Variants in TRPM4 observed in about 807,000 individuals in gnomAD.
The protein encoded by TRPM4 is transient receptor potential cation channel subfamily M member 4.
TRPM4 carries 124 observed loss-of-function variants against 135.6 expected under a neutral mutation model. The ratio of observed to expected loss-of-function variants is 0.91; its 90% CI spans 0.79 to 1.06. TRPM4 has a LOEUF of 1.06. Among genes scored for constraint, TRPM4 ranks in the 50% least tolerant of loss-of-function variants. The pLI, the probability that TRPM4 is intolerant of heterozygous loss-of-function variation, is 0.00. For missense variants in TRPM4, 1,658 were observed against 1,671.4 expected (o/e 0.99, Z 0.14); for synonymous variants, 745 against 705.6 (o/e 1.06, Z -0.88).
At chr19:49,185,916 A>C (rs915851752) in intron 12 of TRPM4, among the ~76,000 whole-genome samples, 2 of 151,770 alleles carry the variant, frequency 1.3e-5, no homozygotes, top group Non-Finnish European at 2.9e-5. Context: ...ACACCCAGCT[A>C]ATTTTTGTAT....
At position 49,163,614 on chromosome 19, in the gene TRPM4, C is replaced by T. The variant is rs150058393; in HGVS notation, c.93-2427C>T. Among the ~76,000 whole-genome samples, 921 of 152,208 alleles carry T rather than the reference C, an allele frequency of 6.1e-3. 6 individuals are homozygous for T. The highest frequency in any genetic ancestry group is 0.021 in the African/African-American group (871 of 41,512). ...TCAAGTGATCCTCCTGCTACAGCCT[C>T]CTGAGTAGCTGGAACCACAGGCGTG... On this transcript the variant is annotated intron_variant, in intron 2 of 24. Transcript: ENST00000252826.
In TRPM4 at chr19:49,171,614, C is replaced by T. The variant is rs1233968599; in HGVS notation, c.895C>T (p.Leu299Phe). Residue 299 changes from leucine (L) to phenylalanine (F), a missense_variant, in exon 8 of 25, where the codon CTC (leucine) becomes TTC (phenylalanine). By Grantham distance (22) the Leu-to-Phe change is conservative. Coordinates refer to ENST00000252826, the MANE Select transcript of TRPM4 (RefSeq NM_017636.4). This position sits in a 1 kb window ranked among gnomAD's most constrained non-coding sequence, Gnocchi z 4.7. ...CGCCACCCAGGCTCAGCTCCCATGTCTCCTCGTGGCTGGCTCAGGGGGAGC... is the reference window on the plus strand; with the variant it reads ...CGCCACCCAGGCTCAGCTCCCATGTTTCCTCGTGGCTGGCTCAGGGGGAGC... ...ENATQAQLPCLLVAGSGGAAD... is the reference protein window; with the variant it reads ...ENATQAQLPCFLVAGSGGAAD... 1.9e-6 allele frequency: 3 copies of T among 1,613,976 alleles called. No individual in the cohort carries two copies. Among genetic ancestry groups the T allele is most frequent in the Non-Finnish European group, 2.5e-6 (3 of 1,180,032 alleles).
intron 2 of TRPM4, chr19:49,158,540 G>A: frequency 4.2e-6 from 2 of 478,002 alleles, no homozygotes; most frequent in Non-Finnish European, 7.5e-6. Flanking sequence ...CTGTCTCTTC[G>A]TGTCACTTTC....
At chr19:49,186,918 CT>C (rs1968217671) in intron 12 of TRPM4, among the ~76,000 whole-genome samples, 1 of 151,408 alleles carries the variant, frequency 6.6e-6, no homozygotes, top group South Asian at 2.1e-4. Context: ...TGGAAAGCCA[CT>C]TTTTCTCTGG....
rs767381852 is a variant in TRPM4, at chr19:49,185,643, T to C, written c.1743+2431T>C. ...AAGTGGAACATTTTGAATATGATAA[T>C]GTGGCAACTCTGGAAATCAGCTTAT... On this transcript the variant is annotated intron_variant, in intron 12 of 24. Coordinates refer to ENST00000252826, the MANE Select transcript of TRPM4 (RefSeq NM_017636.4). Among the ~76,000 whole-genome samples, 97 of 152,190 alleles carry C rather than the reference T, an allele frequency of 6.4e-4. 1 individual carries two copies. Among genetic ancestry groups the C allele is most frequent in the Middle Eastern group, 3.2e-3 (1 of 316 alleles).
chr19:49,196,936 C>T (rs772418560), intron 17 of TRPM4, 62 bp downstream of exon 17: 1 of 1,472,304 alleles, frequency 6.8e-7, no homozygotes, highest in African/African-American at 1.4e-5. Context: ...CCTGCCCACT[C>T]CCGGGGTCTC....
chr19:49,167,392 T>C (rs1331424451), intron 3 of TRPM4, among the ~76,000 whole-genome samples: 9 of 122,676 alleles, frequency 7.3e-5, no homozygotes, highest in Non-Finnish European at 1.4e-4. Context: ...TCTCCGGGTC[T>C]CTGTTTCCCC....
intron 2 of TRPM4, among the ~76,000 whole-genome samples, chr19:49,162,424 A>C (rs1054514109): frequency 6.6e-6 from 1 of 152,098 alleles, no homozygotes; most frequent in Non-Finnish European, 1.5e-5. Flanking sequence ...CTGTAATCCC[A>C]GCTACTCAGG....
intron 16 of TRPM4, among the ~76,000 whole-genome samples, chr19:49,195,355 TTTCTTC>T (rs748392398): frequency 2.6e-5 from 4 of 152,200 alleles, no homozygotes; most frequent in East Asian, 3.9e-4. Context: ...TCTATGGTCT[TTTCTTC>T]TTCTTCTTCT....
chr19:49,186,336 A>G (rs574692645), intron 12 of TRPM4, among the ~76,000 whole-genome samples: 1 of 152,340 alleles, frequency 6.6e-6, no homozygotes, highest in African/African-American at 2.4e-5. Context: ...TGCAGAGCCT[A>G]AAGTTCAGCC....
intron 9 of TRPM4, among the ~76,000 whole-genome samples, chr19:49,180,152 G>A (rs769861076): frequency 4.6e-5 from 7 of 152,184 alleles, no homozygotes; most frequent in Non-Finnish European, 8.8e-5. Context: ...TTTGGAGATA[G>A]ATATGGAGCA....
intron 2 of TRPM4, among the ~76,000 whole-genome samples, chr19:49,160,570 C>T (rs949975120): frequency 2.0e-5 from 3 of 151,782 alleles, no homozygotes; most frequent in African/African-American, 7.3e-5. Context: ...TATGGTTTGG[C>T]TTGAATATGA....
At chr19:49,160,612 T>C (rs1219266778) in intron 2 of TRPM4, among the ~76,000 whole-genome samples, 1 of 151,988 alleles carries the variant, frequency 6.6e-6, no homozygotes, top group Non-Finnish European at 1.5e-5. Flanking sequence ...AGCACTGTCA[T>C]GAGAGAAGAG....
At chr19:49,193,872 G>C (rs1373031504) in intron 16 of TRPM4, among the ~76,000 whole-genome samples, 4 of 146,316 alleles carry the variant, frequency 2.7e-5, no homozygotes, top group South Asian at 2.2e-4. Flanking sequence ...TCTCCTCCTT[G>C]TCCTCCTCCT....
rs1272779639 is a variant in TRPM4, at chr19:49,190,724, G to A, written c.2161G>A (p.Glu721Lys). ...RKSEEEPTREELEFDMDSVIN... is the reference protein window; with the variant it reads ...RKSEEEPTREKLEFDMDSVIN... Reference sequence around the variant, plus strand: ...ATCAGAAGAGGAGCCCACACGGGAGGAGCTAGAGTTTGACATGGATAGTGT... The same window carrying A: ...ATCAGAAGAGGAGCCCACACGGGAGAAGCTAGAGTTTGACATGGATAGTGT... The change falls in exon 16 of 25, where the codon GAG (glutamate) becomes AAG (lysine). Residue 721 changes from glutamate (E) to lysine (K), a missense_variant. Transcript: ENST00000252826. 1.2e-6 allele frequency: 2 copies of A among 1,614,142 alleles called. No individual in the cohort carries two copies. The highest frequency in any genetic ancestry group is 2.2e-5 in the South Asian group (2 of 91,078).
chr19:49,191,351 A>G (rs920455002), intron 16 of TRPM4, among the ~76,000 whole-genome samples: 2 of 150,692 alleles, frequency 1.3e-5, no homozygotes, highest in Non-Finnish European at 3.0e-5. Flanking sequence ...GTAGAAGTGC[A>G]TGCCACTACG....
intron 12 of TRPM4, 86 bp downstream of exon 12, chr19:49,183,298 C>T (rs1600463007): frequency 6.4e-7 from 1 of 1,566,436 alleles, no homozygotes; most frequent in East Asian, 2.3e-5. Context: ...TACAATTCCC[C>T]GACCCCTGAC....
chr19:49,182,008 TCATC>T (rs1156865611), intron 10 of TRPM4, among the ~76,000 whole-genome samples: 1 of 150,866 alleles, frequency 6.6e-6, no homozygotes, highest in Non-Finnish European at 1.5e-5. Flanking sequence ...ATCCATTCAT[TCATC>T]CATCTACTTA....
Position 49,168,020 on chromosome 19 carries a change from G to C in TRPM4, c.371G>C (p.Gly124Ala), listed in dbSNP as rs998729534. ...AACCTGGTGGTGTCAGTGCTGGGGG[G>C]ATCGGGGGGCCCCGTCCTCCAGACC... is the stretch of plus-strand genomic sequence containing the variant. Reference protein sequence around the residue: ...APNLVVSVLGGSGGPVLQTWL... With the variant: ...APNLVVSVLGASGGPVLQTWL... Residue 124 changes from glycine to alanine, a missense_variant, in exon 4 of 25, where the codon GGA becomes GCA. Gly to Ala is a moderately conservative substitution (Grantham distance 60, BLOSUM62 0). This residue lies in a region of TRPM4 where 239 missense variants were observed against 240.1 expected (regional missense o/e 1.00). Coordinates refer to ENST00000252826, the MANE Select transcript of TRPM4 (RefSeq NM_017636.4). 5.0e-6 allele frequency: 8 copies of C among 1,613,492 alleles called. No homozygotes were observed. Among genetic ancestry groups the C allele is most frequent in the Admixed American group, 3.3e-5 (2 of 60,030 alleles).
Sources: allele counts gnomAD v4.1 joint callset (sites outside exome capture counted in the v4.1 genomes callset), GRCh38; gene constraint gnomAD v4.1.1; regional missense constraint gnomAD v4.1.1; non-coding constraint Gnocchi (gnomAD v3.1); transcripts MANE v1.5; gene names NCBI Gene and HGNC (gene_info 2026-07-23, HGNC 2026-07-21).